Variants in TENM3 observed in about 807,000 individuals in gnomAD.
The protein encoded by TENM3 is teneurin transmembrane protein 3, also known as teneurin-3.
TENM3 carries 63 observed loss-of-function variants against 255.1 expected under a neutral mutation model. The ratio of observed to expected loss-of-function variants is 0.25; its 90% confidence interval spans 0.20 to 0.30. The LOEUF is 0.30. Among genes scored for constraint, TENM3 ranks in the 10% least tolerant of loss-of-function variants. The pLI is 1.00. For missense variants in TENM3, 2,929 were observed against 3,461.1 expected (o/e 0.85, Z 3.86); for synonymous variants, 1,306 against 1,322.3 (o/e 0.99, Z 0.27).
chr4:182,449,163 G>A (rs568125528), intron 3 of TENM3: 1 of 171,928 alleles, frequency 5.8e-6, no homozygotes, highest in African/African-American at 2.5e-5. Flanking sequence ...CGCGCGGCAG[G>A]GTCGCTCGCT....
intron 18 of TENM3, among the ~76,000 whole-genome samples, chr4:182,738,994 AT>A (rs1761397551): frequency 6.6e-6 from 1 of 152,022 alleles, no homozygotes; most frequent in Non-Finnish European, 1.5e-5. Flanking sequence ...TCACCAAAAT[AT>A]TTTTAGTAGA....
chr4:181,557,111 A>G, the TENM3 span, among the ~76,000 whole-genome samples: 1 of 152,196 alleles, frequency 6.6e-6, no homozygotes, highest in East Asian at 1.9e-4. Flanking sequence ...TATGGTCTAC[A>G]GAATAATACT....
At chr4:182,441,697 TA>T (rs1490209273) in intron 3 of TENM3, among the ~76,000 whole-genome samples, 3 of 152,166 alleles carry the variant, frequency 2.0e-5, no homozygotes, top group South Asian at 2.1e-4. Context: ...GGGGTTTCAC[TA>T]TGTTGGCCAG....
chr4:182,200,078 C>T (rs2726802), intron 1 of TENM3, among the ~76,000 whole-genome samples: 126,112 of 152,042 alleles, frequency 0.83, 53,107 homozygotes, highest in Non-Finnish European at 0.91. Flanking sequence ...ATTAGTCATT[C>T]AGTTTATGGA....
At chr4:181,532,983 A>G in the TENM3 span, among the ~76,000 whole-genome samples, 1 of 152,172 alleles carries the variant, frequency 6.6e-6, no homozygotes, top group Non-Finnish European at 1.5e-5. Context: ...TTCTCTCTAT[A>G]ACCCCTTTAT....
chr4:181,862,457 G>C, the TENM3 span, among the ~76,000 whole-genome samples: 1 of 151,318 alleles, frequency 6.6e-6, no homozygotes. Flanking sequence ...CAATACCACC[G>C]TTTTCTTTTT....
intron 3 of TENM3, among the ~76,000 whole-genome samples, chr4:182,457,494 C>T (rs1173691942): frequency 6.8e-6 from 1 of 147,762 alleles, no homozygotes; most frequent in Non-Finnish European, 1.5e-5. Context: ...AGTCATAGAA[C>T]AGTTAAGTTG....
At chr4:182,212,076 G>A (rs1004748242) in intron 1 of TENM3, among the ~76,000 whole-genome samples, 1 of 152,150 alleles carries the variant, frequency 6.6e-6, no homozygotes, top group Non-Finnish European at 1.5e-5. Context: ...TAACTAGTCT[G>A]AATACATGGA....
intron 3 of TENM3, among the ~76,000 whole-genome samples, chr4:182,575,882 A>C (rs1744864174): frequency 6.6e-6 from 1 of 152,168 alleles, no homozygotes; most frequent in Non-Finnish European, 1.5e-5. Context: ...TCAGAGAGTA[A>C]AGTTCTAGGT....
chr4:181,553,511 G>A, the TENM3 span, among the ~76,000 whole-genome samples: 1,558 of 151,864 alleles, frequency 0.01, 16 homozygotes, highest in South Asian at 0.054. Context: ...GCGCGATCTC[G>A]GCTCACTGCA....
intron 5 of TENM3, among the ~76,000 whole-genome samples, chr4:182,633,132 A>T (rs938808504): frequency 1.3e-5 from 2 of 151,858 alleles, no homozygotes. Context: ...AGATCTCCCT[A>T]TGTTTCCTAG....
At chr4:182,648,971 A>G (rs925234853) in intron 5 of TENM3, among the ~76,000 whole-genome samples, 6 of 152,070 alleles carry the variant, frequency 3.9e-5, no homozygotes, top group Non-Finnish European at 8.8e-5. Context: ...TTTCCATTCT[A>G]CTGCTGGCAG....
At chr4:182,337,041 C>A (rs1764188749) in intron 2 of TENM3, among the ~76,000 whole-genome samples, 1 of 152,080 alleles carries the variant, frequency 6.6e-6, no homozygotes, top group Non-Finnish European at 1.5e-5. Flanking sequence ...AATCAAATTT[C>A]AATCATTTTT....
chr4:182,207,270 C>T (rs1038437687), intron 1 of TENM3, among the ~76,000 whole-genome samples: 2 of 152,138 alleles, frequency 1.3e-5, no homozygotes, highest in African/African-American at 2.4e-5. Flanking sequence ...GGAGAATGTC[C>T]TCTAGTTGCT....
intron 13 of TENM3, among the ~76,000 whole-genome samples, chr4:182,725,058 G>GTTT (rs34100362): frequency 5.5e-5 from 8 of 145,402 alleles, no homozygotes; most frequent in African/African-American, 2.0e-4. Context: ...GTTGTTTTGG[G>GTTT]TTTTTTTTTT....
intron 4 of TENM3, among the ~76,000 whole-genome samples, chr4:182,614,131 G>C (rs1333973879): frequency 6.6e-6 from 1 of 151,944 alleles, no homozygotes; most frequent in African/African-American, 2.4e-5. Flanking sequence ...TTGTAATGTT[G>C]GTTGCTTATT....
chr4:181,932,837 A>G, the TENM3 span, among the ~76,000 whole-genome samples: 1 of 152,214 alleles, frequency 6.6e-6, no homozygotes, highest in Admixed American at 6.5e-5. Context: ...TGCAGCCATA[A>G]AAAAGAATGA....
At chr4:181,732,232 G>A in the TENM3 span, among the ~76,000 whole-genome samples, 1 of 152,154 alleles carries the variant, frequency 6.6e-6, no homozygotes, top group Non-Finnish European at 1.5e-5. Flanking sequence ...TAGATGCATG[G>A]TAGAAAAGAG....
rs369770052 is a variant in TENM3, at chr4:182,751,974, C to T, written c.3804C>T (p.Asp1268=). 4.0e-5 allele frequency: 65 copies of T among 1,612,466 alleles called. No homozygotes were observed. In the African/African-American group the frequency reaches 7.5e-4, roughly 19 times the overall value. The change falls in exon 20 of 28, where the codon GAC becomes GAT. Residue 1268 remains aspartate, a synonymous_variant. Coordinates refer to ENST00000511685, the MANE Select transcript of TENM3 (RefSeq NM_001080477.4). The part of the protein sequence containing the change: ...AGTGEQCLPF[D]EARCGDGGKA... ...CAGGGGAGCAATGCCTTCCGTTTGA[C>T]GAGGCGAGATGTGGGGATGGAGGGA...
Sources: gnomAD v4.1 joint callset for allele counts (sites outside exome capture counted in the v4.1 genomes callset) on GRCh38, gnomAD v4.1.1 for gene constraint, MANE v1.5 for transcripts, NCBI Gene and HGNC (gene_info 2026-07-23, HGNC 2026-07-21) for gene names.